RAB22A: variants seen among roughly 807,000 people sequenced by gnomAD.
The protein encoded by RAB22A is RAB22A, member RAS oncogene family, also known as ras-related protein Rab-22A.
RAB22A carries 13 observed loss-of-function variants against 30.2 expected under a neutral mutation model. The ratio of observed to expected loss-of-function variants is 0.43; its 90% CI spans 0.28 to 0.68. RAB22A has a LOEUF of 0.68. Among genes scored for constraint, RAB22A ranks in the 30% least tolerant of loss-of-function variants. The pLI is 0.18. For missense variants in RAB22A, 177 were observed against 246.8 expected, an observed-to-expected ratio of 0.72 and a Z score of 1.89; for synonymous variants, 89 against 87.2, an observed-to-expected ratio of 1.02 and a Z score of -0.11.
At chr20:58,348,639 G>A (rs1463358543) in intron 3 of RAB22A, among the ~76,000 whole-genome samples, 1 of 152,154 alleles carries the variant, frequency 6.6e-6, no homozygotes, top group East Asian at 1.9e-4. Flanking sequence ...CCTGCCACCA[G>A]TTTTTGTAAA....
At chr20:58,325,933 A>G (rs1162535881) in intron 2 of RAB22A, among the ~76,000 whole-genome samples, 1 of 152,072 alleles carries the variant, frequency 6.6e-6, no homozygotes, top group Non-Finnish European at 1.5e-5. Flanking sequence ...ACTAAGAGGA[A>G]TGAGTTAAAT....
rs991566217 is a variant in RAB22A at position 58,309,779 on chromosome 20, C to G, written c.-198C>G. 1 of 379,750 alleles carries G rather than the reference C, an allele frequency of 2.6e-6. No homozygotes were observed. Among genetic ancestry groups the G allele is most frequent in the African/African-American group, 2.1e-5 (1 of 46,760 alleles). 23.5% of individuals were successfully genotyped at this position (379,750 alleles called of 1,614,324 possible). On this transcript the variant is annotated 5_prime_UTR_variant, in exon 1 of 7. Transcript: ENST00000244040. Reference sequence around the variant, plus strand: ...GCTCCCGGAAGGCCGCGGCGGCGTCCCGGCTGCTAAGGCGGGCCCCACGCG... The same window carrying G: ...GCTCCCGGAAGGCCGCGGCGGCGTCGCGGCTGCTAAGGCGGGCCCCACGCG...
chr20:58,333,012 C>T (rs1458381101), intron 2 of RAB22A, among the ~76,000 whole-genome samples: 2 of 152,014 alleles, frequency 1.3e-5, no homozygotes, highest in African/African-American at 4.8e-5. Context: ...GGTGTGGTGG[C>T]TCACACCTGT....
chr20:58,359,471 T>C (rs1444169295), intron 6 of RAB22A, 135 bp from the exon 7 acceptor site: 2 of 570,046 alleles, frequency 3.5e-6, no homozygotes, highest in African/African-American at 3.8e-5. Flanking sequence ...TCTAAAATTA[T>C]TCGAGTATAA....
chr20:58,323,870 A>C (rs142369337), intron 2 of RAB22A, among the ~76,000 whole-genome samples: 1 of 152,076 alleles, frequency 6.6e-6, no homozygotes, highest in Non-Finnish European at 1.5e-5. Context: ...GGCTAATCAC[A>C]TAATTATACT....
chr20:58,311,605 G>T (rs2122917617), intron 2 of RAB22A, among the ~76,000 whole-genome samples: 1 of 152,216 alleles, frequency 6.6e-6, no homozygotes, highest in African/African-American at 2.4e-5. Context: ...CAGTTCTCTG[G>T]TTCTATGGAT....
intron 5 of RAB22A, 137 bp downstream of exon 5, chr20:58,353,675 A>C: frequency 1.3e-6 from 1 of 753,116 alleles, no homozygotes; most frequent in Non-Finnish European, 2.1e-6. Context: ...TTGGAGTCCT[A>C]AATTTTTAAA....
intron 2 of RAB22A, among the ~76,000 whole-genome samples, chr20:58,318,641 C>T (rs937899610): frequency 6.6e-6 from 1 of 152,038 alleles, no homozygotes; most frequent in Non-Finnish European, 1.5e-5. Flanking sequence ...TGATCCCTCT[C>T]TCCTCCCCGC....
rs548480811 is a variant in RAB22A, at chr20:58,322,788, A to AT, written c.116+11674dup. On this transcript the variant is annotated intron_variant, in intron 2 of 6. Coordinates refer to ENST00000244040, the MANE Select transcript of RAB22A (RefSeq NM_020673.3). Reference sequence around the variant, plus strand: ...CATGTTATGAAATCACAACACACTTATTTTTTTTGCATTAAATGACCTTTC... The same window carrying AT: ...CATGTTATGAAATCACAACACACTTATTTTTTTTTGCATTAAATGACCTTTC... Among the ~76,000 whole-genome samples the AT allele has an allele frequency of 1.1e-3, 161 of 151,524 alleles. 1 individual carries two copies. Among genetic ancestry groups the AT allele is most frequent in the African/African-American group, 3.4e-3 (142 of 41,250 alleles).
rs192875066 is a variant in RAB22A at position 58,353,547 on chromosome 20, T to C, written c.377+9T>C. 2.4e-5 allele frequency: 37 copies of C among 1,559,718 alleles called. No homozygotes were observed. In the Admixed American group the frequency reaches 3.8e-4, roughly 16 times the overall value. On this transcript the variant is annotated intron_variant, in intron 5 of 6. Coordinates refer to ENST00000244040, the MANE Select transcript of RAB22A (RefSeq NM_020673.3). ...GATCTTATCGATGTAAGGTAAGTTA[T>C]TAGAACGAGAGATTACAATACCTAT... is the stretch of plus-strand genomic sequence containing the variant.
At chr20:58,319,091 A>G (rs1986401920) in intron 2 of RAB22A, among the ~76,000 whole-genome samples, 1 of 152,198 alleles carries the variant, frequency 6.6e-6, no homozygotes, top group East Asian at 1.9e-4. Flanking sequence ...TGGAATTAGT[A>G]TACACACACA....
intron 2 of RAB22A, among the ~76,000 whole-genome samples, chr20:58,337,954 A>T (rs1986787505): frequency 6.6e-6 from 1 of 152,208 alleles, no homozygotes; most frequent in Non-Finnish European, 1.5e-5. Context: ...GTGAAATGGT[A>T]TATGTTATGT....
At chr20:58,346,388 C>G (rs1232786596) in intron 3 of RAB22A, among the ~76,000 whole-genome samples, 1 of 152,218 alleles carries the variant, frequency 6.6e-6, no homozygotes, top group African/African-American at 2.4e-5. Context: ...TTGCCCAGGC[C>G]TCCCCCGGGG....
chr20:58,360,282 A>G lies in RAB22A; in HGVS notation c.*579A>G, dbSNP rs1430022208. On this transcript the variant is annotated 3_prime_UTR_variant, in exon 7 of 7. Transcript: ENST00000244040. ...TTGAACATGTTAGCCTAGGATACGTACAGTAAATTAACAATGATAGCAGCA... is the reference window on the plus strand; with the variant it reads ...TTGAACATGTTAGCCTAGGATACGTGCAGTAAATTAACAATGATAGCAGCA... 6.6e-6 allele frequency: 1 copy of G among 152,666 alleles called. No individual in the cohort carries two copies. The highest frequency in any genetic ancestry group is 1.9e-4 in the East Asian group (1 of 5,188). The allele number at this position is 152,666 out of a possible 1,614,324, so 9.5% of individuals were successfully genotyped here.
intron 2 of RAB22A, among the ~76,000 whole-genome samples, chr20:58,328,528 A>G (rs1015423707): frequency 6.6e-6 from 1 of 152,054 alleles, no homozygotes; most frequent in East Asian, 1.9e-4. Flanking sequence ...GATTATTTCA[A>G]ATTTTTAAAA....
intron 3 of RAB22A, among the ~76,000 whole-genome samples, chr20:58,349,850 C>T (rs1185911578): frequency 6.6e-6 from 1 of 152,214 alleles, no homozygotes; most frequent in Non-Finnish European, 1.5e-5. Context: ...CACTACTACA[C>T]ATATGAAGAA....
intron 1 of RAB22A, 28 bp from the exon 2 acceptor site, chr20:58,311,015 C>T (rs997753013): frequency 3.2e-6 from 5 of 1,553,808 alleles, no homozygotes; most frequent in African/African-American, 2.7e-5. Flanking sequence ...TAAACTTTTT[C>T]TCAGTCCCTC....
In RAB22A at chr20:58,354,105, A is replaced by G. The variant is rs1214025448; in HGVS notation, c.378-51A>G. On this transcript the variant is annotated intron_variant, in intron 5 of 6. Transcript: ENST00000244040. ...TTAACTACTGGGTAGGTGGGGGTAC[A>G]ACTAAGATCTTCATGGGTAGAATTT... The G allele has an allele frequency of 2.9e-6, 4 of 1,374,062 alleles. No homozygotes were observed. In the South Asian group the frequency reaches 3.6e-5, roughly 12 times the overall value. 85.1% of individuals were successfully genotyped at this position (1,374,062 alleles called of 1,614,324 possible). A position where few individuals can be genotyped will look rare whatever the true frequency, so the allele number is the denominator to read the frequency against.
chr20:58,364,318 G>A lies in RAB22A; in HGVS notation c.*4615G>A, dbSNP rs6026219. Reference sequence around the variant, plus strand: ...GAAGGACTTCCAATAGCATAGATCAGGTTTAATTTGATGGTCTATACCATC... The same window carrying A: ...GAAGGACTTCCAATAGCATAGATCAAGTTTAATTTGATGGTCTATACCATC... On this transcript the variant is annotated 3_prime_UTR_variant, in exon 7 of 7. Coordinates refer to ENST00000244040, the MANE Select transcript of RAB22A (RefSeq NM_020673.3). The A allele has an allele frequency of 6.6e-6, 1 of 152,050 alleles. No homozygotes were observed. The highest frequency in any genetic ancestry group is 2.4e-5 in the African/African-American group (1 of 41,394). The allele number at this position is 152,050 out of a possible 1,614,324, so 9.4% of individuals were successfully genotyped here.
Sources: gnomAD v4.1 joint callset for allele counts (sites outside exome capture counted in the v4.1 genomes callset) on GRCh38, gnomAD v4.1.1 for gene constraint, MANE v1.5 for transcripts, NCBI Gene and HGNC (gene_info 2026-07-23, HGNC 2026-07-21) for gene names.